Variants in ATP2B1 observed in about 807,000 individuals in gnomAD.
ATP2B1 encodes the protein ATPase plasma membrane Ca2+ transporting 1.
ATP2B1 carries 14 observed loss-of-function variants against 124.2 expected under a neutral mutation model. The ratio of observed to expected loss-of-function variants is 0.11; its 90% CI spans 0.07 to 0.18. The LOEUF (loss-of-function observed/expected upper bound fraction) is 0.18. Ranked by LOEUF, ATP2B1 falls within the 10% of genes least tolerant of loss-of-function variation. ATP2B1 has a pLI of 1.00. For missense variants in ATP2B1, 763 were observed against 1,466.1 expected, an observed-to-expected ratio of 0.52 and a Z score of 7.83; for synonymous variants, 449 against 492.4, an observed-to-expected ratio of 0.91 and a Z score of 1.17.
chr12:89,708,394 C>A (rs1487007932), intron 1 of ATP2B1, among the ~76,000 whole-genome samples: 1 of 152,180 alleles, frequency 6.6e-6, no homozygotes, highest in Admixed American at 6.5e-5. Context: ...GCCCGCTCAC[C>A]TTCACAATCT....
intron 12 of ATP2B1, chr12:89,611,956 C>G (rs2136009660): frequency 6.6e-6 from 1 of 152,160 alleles, no homozygotes; most frequent in East Asian, 1.9e-4. Flanking sequence ...ACCATGTTTC[C>G]TTTACCTGTC....
intron 1 of ATP2B1, among the ~76,000 whole-genome samples, chr12:89,685,659 G>A (rs1889878827): frequency 6.6e-6 from 1 of 152,092 alleles, no homozygotes. Flanking sequence ...CCATGTTTTA[G>A]TTGACTAAAA....
At chr12:89,638,388 G>C (rs999332887) in intron 3 of ATP2B1, among the ~76,000 whole-genome samples, 1 of 152,132 alleles carries the variant, frequency 6.6e-6, no homozygotes, top group Admixed American at 6.6e-5. Flanking sequence ...CAGAGAAGTA[G>C]TTCTCAAAGT....
Position 89,642,141 on chromosome 12 carries a change from T to TC in ATP2B1, c.406+16dup, listed in dbSNP as rs368091161. On this transcript the variant is annotated intron_variant, in intron 3 of 20. Coordinates refer to ENST00000428670, the MANE Select transcript of ATP2B1 (RefSeq NM_001366521.1). ...GAACTAGCATCAGACATGTCTTTTT[T>TC]CCCCCCATTTACTTACGTGCATTAT... 566 of 1,594,284 alleles carry TC rather than the reference T, an allele frequency of 3.6e-4. 1 individual carries two copies. In the African/African-American group the frequency reaches 6.4e-3, roughly 18 times the overall value.
intron 1 of ATP2B1, among the ~76,000 whole-genome samples, chr12:89,691,193 T>C (rs1008767319): frequency 6.6e-6 from 1 of 152,102 alleles, no homozygotes; most frequent in African/African-American, 2.4e-5. Context: ...AAAAAAATCA[T>C]CATCCTATTT....
In ATP2B1 at chr12:89,621,534, T is replaced by C; in HGVS notation, c.1587+15A>G. The stretch of plus-strand genomic sequence containing the variant: ...TTTAAAAATTAATTTTCATAAATTA[T>C]TTCAAAAACCTTACCAATATTTTTG... On this transcript the variant is annotated intron_variant, in intron 10 of 20. Coordinates refer to ENST00000428670, the MANE Select transcript of ATP2B1 (RefSeq NM_001366521.1). The C allele has an allele frequency of 6.7e-7, 1 of 1,481,934 alleles. No individual in the cohort carries two copies. Among genetic ancestry groups the C allele is most frequent in the Non-Finnish European group, 9.1e-7 (1 of 1,096,912 alleles). 91.8% of individuals were successfully genotyped at this position (1,481,934 alleles called of 1,614,324 possible). A position where few individuals can be genotyped will look rare whatever the true frequency, so the allele number is the denominator to read the frequency against.
intron 1 of ATP2B1, among the ~76,000 whole-genome samples, chr12:89,686,226 C>A (rs555744788): frequency 6.6e-6 from 1 of 152,042 alleles, no homozygotes; most frequent in Non-Finnish European, 1.5e-5. Context: ...TTATTTTATA[C>A]CCTAATCCCT....
At chr12:89,664,966 G>A (rs1887127851) in intron 1 of ATP2B1, among the ~76,000 whole-genome samples, 1 of 151,868 alleles carries the variant, frequency 6.6e-6, no homozygotes, top group African/African-American at 2.4e-5. Flanking sequence ...CCTCAGCTGG[G>A]ATTACAGGCA....
chr12:89,636,549 G>A (rs551293917), intron 3 of ATP2B1, among the ~76,000 whole-genome samples: 8 of 152,290 alleles, frequency 5.3e-5, no homozygotes, highest in African/African-American at 1.9e-4. Flanking sequence ...GACAAAGCAG[G>A]AGGATTATTC....
intron 1 of ATP2B1, among the ~76,000 whole-genome samples, chr12:89,678,041 T>TA (rs968542781): frequency 1.8e-4 from 23 of 130,994 alleles, no homozygotes; most frequent in African/African-American, 4.8e-4. Flanking sequence ...AGAAATCATT[T>TA]AAAAAAAAAA....
chr12:89,690,258 C>T (rs533369661), intron 1 of ATP2B1, among the ~76,000 whole-genome samples: 1 of 151,862 alleles, frequency 6.6e-6, no homozygotes, highest in Admixed American at 6.6e-5. Context: ...AACATTTGCT[C>T]TCCTTTTTTG....
chr12:89,661,214 C>T (rs1028699577), intron 1 of ATP2B1, among the ~76,000 whole-genome samples: 2 of 152,062 alleles, frequency 1.3e-5, no homozygotes, highest in Non-Finnish European at 2.9e-5. Flanking sequence ...GCTTATTCCC[C>T]GGACCCAAAT....
chr12:89,707,708 C>G (rs538164952), intron 1 of ATP2B1, among the ~76,000 whole-genome samples: 118 of 152,278 alleles, frequency 7.7e-4, no homozygotes, highest in Non-Finnish European at 1.4e-3. Context: ...AGGGTGCGAG[C>G]ACTCCCAGCG....
rs761823280 is a variant in ATP2B1, at chr12:89,604,351, TA to T, written c.2443-6del. On this transcript the variant is annotated splice_polypyrimidine_tract_variant and splice_region_variant and intron_variant, in intron 15 of 20. Coordinates refer to ENST00000428670, the MANE Select transcript of ATP2B1 (RefSeq NM_001366521.1). ...TACATCAGTTCCAGCAATACCCTGTTAAAAAAAATTTTGTGAATTAGACTAA... is the reference window on the plus strand; with the variant it reads ...TACATCAGTTCCAGCAATACCCTGTTAAAAAAATTTTGTGAATTAGACTAA... 1.6e-5 allele frequency: 25 copies of T among 1,574,410 alleles called. 1 individual carries two copies. The highest frequency in any genetic ancestry group is 4.0e-5 in the Admixed American group (2 of 49,586).
At chr12:89,604,926 A>C (rs986315563) in intron 15 of ATP2B1, among the ~76,000 whole-genome samples, 1 of 151,084 alleles carries the variant, frequency 6.6e-6, no homozygotes, top group Non-Finnish European at 1.5e-5. Flanking sequence ...AGGAATAAAA[A>C]AAGGAAGATC....
rs769258008 is a variant in ATP2B1, at chr12:89,661,505, TACTC to T, written c.-221-5402_-221-5399del. Among the ~76,000 whole-genome samples the T allele has an allele frequency of 9.5e-4, 144 of 152,278 alleles. 1 individual carries two copies. Among genetic ancestry groups the T allele is most frequent in the Non-Finnish European group, 1.3e-3 (89 of 68,012 alleles). ...CTTATAAAATAAAGCAAGTATTAAATACTCACAAAATCATTAAAAATGAGAGTAA... is the reference window on the plus strand; with the variant it reads ...CTTATAAAATAAAGCAAGTATTAAATACAAAATCATTAAAAATGAGAGTAA... On this transcript the variant is annotated intron_variant, in intron 1 of 20. Transcript: ENST00000428670.
At chr12:89,655,308 C>G (rs1022605213) in intron 2 of ATP2B1, among the ~76,000 whole-genome samples, 1 of 152,056 alleles carries the variant, frequency 6.6e-6, no homozygotes, top group Middle Eastern at 3.2e-3. Context: ...TTTAAGCCAC[C>G]CAGCAAAATG....
At chr12:89,653,542 C>A (rs1885563802) in intron 2 of ATP2B1, among the ~76,000 whole-genome samples, 1 of 151,972 alleles carries the variant, frequency 6.6e-6, no homozygotes, top group Non-Finnish European at 1.5e-5. Flanking sequence ...CATGATCCAC[C>A]CGCCTCGGCC....
At chr12:89,592,538 T>C (rs1236203011) in intron 20 of ATP2B1, among the ~76,000 whole-genome samples, 2 of 152,076 alleles carry the variant, frequency 1.3e-5, no homozygotes, top group Non-Finnish European at 2.9e-5. Flanking sequence ...TGCCAAGCCC[T>C]ATTTGTAAGC....
Sources: allele counts gnomAD v4.1 joint callset (sites outside exome capture counted in the v4.1 genomes callset), GRCh38; gene constraint gnomAD v4.1.1; transcripts MANE v1.5; gene names NCBI Gene and HGNC (gene_info 2026-07-23, HGNC 2026-07-21).